The following HDAC4 variants were observed in gnomAD, a reference collection of about 807,000 sequenced individuals.
The protein encoded by HDAC4 is histone deacetylase A.
A neutral mutation model predicts 135.1 loss-of-function variants in HDAC4; 16 were observed. The observed-to-expected ratio is 0.12, with a 90% CI of 0.08 to 0.18. HDAC4 has a LOEUF of 0.18. Ranked by LOEUF, HDAC4 falls within the 10% of genes least tolerant of loss-of-function variation. The pLI, the probability that HDAC4 is intolerant of heterozygous loss-of-function variation, is 1.00. For missense variants in HDAC4, 1,143 were observed against 1,511.8 expected, an observed-to-expected ratio of 0.76 and a Z score of 4.05; for synonymous variants, 685 against 653.4, an observed-to-expected ratio of 1.05 and a Z score of -0.74.
intron 2 of HDAC4, chr2:239,298,600 A>T: frequency 9.9e-7 from 1 of 1,009,304 alleles, no homozygotes; most frequent in Non-Finnish European, 1.2e-6. Context: ...TGCACAGCAC[A>T]CACAGGATCA....
chr2:239,240,867 G>A lies in HDAC4; in HGVS notation c.23-4203C>T, dbSNP rs2048138555. Reference sequence around the variant, plus strand: ...GTTTGAGACTCGGAGTCCGCCCATGGGAGGAACAGGACTAAGACAGACAGT... The same window carrying A: ...GTTTGAGACTCGGAGTCCGCCCATGAGAGGAACAGGACTAAGACAGACAGT... On this transcript the variant is annotated intron_variant, in intron 2 of 26. Transcript: ENST00000543185. The surrounding 1 kb of genome is among the most constrained non-coding windows in gnomAD (Gnocchi z 4.5). Among the ~76,000 whole-genome samples the A allele has an allele frequency of 1.3e-5, 2 of 152,180 alleles. No individual in the cohort carries two copies. The highest frequency in any genetic ancestry group is 2.9e-5 in the Non-Finnish European group (2 of 68,030).
At chr2:239,152,252 C>T (rs768327964) in intron 7 of HDAC4, among the ~76,000 whole-genome samples, 4 of 152,194 alleles carry the variant, frequency 2.6e-5, no homozygotes, top group Non-Finnish European at 4.4e-5. Context: ...CATCTGACAC[C>T]CACACAGTGC....
At chr2:239,119,415 G>C (rs2039429575) in intron 12 of HDAC4, among the ~76,000 whole-genome samples, 1 of 152,168 alleles carries the variant, frequency 6.6e-6, no homozygotes. Context: ...ACAGGCTAAG[G>C]ATGAGGAGAC....
intron 7 of HDAC4, among the ~76,000 whole-genome samples, chr2:239,147,215 A>G (rs1041937564): frequency 6.6e-6 from 1 of 152,180 alleles, no homozygotes; most frequent in African/African-American, 2.4e-5. Flanking sequence ...GGGAGAACAG[A>G]GAAGCCCTAG....
At chr2:239,353,048 G>A (rs1170326294) in intron 1 of HDAC4, 130 bp from the exon 2 acceptor site, 2 of 326,788 alleles carry the variant, frequency 6.1e-6, no homozygotes, top group Non-Finnish European at 1.2e-5. Context: ...CTATCGCCCA[G>A]GCTGGAGTGT....
At chr2:239,351,614 T>G (rs537825463) in intron 2 of HDAC4, 154 of 154,504 alleles carry the variant, frequency 1.0e-3, no homozygotes, top group African/African-American at 2.9e-3. Context: ...AATAAAACTT[T>G]CATATCTAAA....
At chr2:239,282,588 T>G (rs923545514) in intron 2 of HDAC4, among the ~76,000 whole-genome samples, 2 of 142,500 alleles carry the variant, frequency 1.4e-5, no homozygotes, top group African/African-American at 5.3e-5. Flanking sequence ...CACTCTACAA[T>G]GTACACACCA....
At chr2:239,053,639 C>T (rs774865647) in intron 25 of HDAC4, 38 bp from the exon 26 acceptor site, 7 of 1,603,240 alleles carry the variant, frequency 4.4e-6, no homozygotes, top group South Asian at 1.1e-5. Flanking sequence ...TCAGTGACTA[C>T]AACTTAGCAG....
chr2:239,058,029 C>T (rs968720577), intron 24 of HDAC4, among the ~76,000 whole-genome samples: 5 of 152,182 alleles, frequency 3.3e-5, no homozygotes, highest in Non-Finnish European at 7.3e-5. Context: ...AAACCATTCA[C>T]GGCCCTGGTT....
rs1229200751 is a variant in HDAC4 at position 239,102,792 on chromosome 2, G to C, written c.2217C>G (p.Asp739Glu). The stretch of plus-strand genomic sequence containing the variant: ...CTGAAATACCTAGAAGTTTCTTACT[G>C]TCCAGTTTCTGCCGGTTGAGGGGGT... ...GTNPLNRQKL[D>E]SKKLLGSLAS... The change falls in exon 16 of 27, where the codon GAC becomes GAG. Residue 739 changes from aspartate to glutamate, a missense_variant. Physicochemically the swap from Asp to Glu is conservative, Grantham distance 45 (BLOSUM62 2). Transcript: ENST00000543185. 1 of 1,613,918 alleles carries C rather than the reference G, an allele frequency of 6.2e-7. No individual in the cohort carries two copies. Among genetic ancestry groups the C allele is most frequent in the Non-Finnish European group, 8.5e-7 (1 of 1,180,010 alleles).
At position 239,185,528 on chromosome 2, in the gene HDAC4, G is replaced by T. The variant is rs796687273; in HGVS notation, c.339+4305C>A. Among the ~76,000 whole-genome samples the T allele has an allele frequency of 4.6e-5, 7 of 152,058 alleles. No individual in the cohort carries two copies. The South Asian group carries it at 8.3e-4, about 18-fold the overall frequency. On this transcript the variant is annotated intron_variant, in intron 4 of 26. Transcript: ENST00000543185. ...TAGGGAGAGGTGCACAGTGTGGGGGGTGCCCTGTGCCTCCTGGGGAGAGAT... is the reference window on the plus strand; with the variant it reads ...TAGGGAGAGGTGCACAGTGTGGGGGTTGCCCTGTGCCTCCTGGGGAGAGAT...
At chr2:239,160,824 G>A (rs557851871) in intron 6 of HDAC4, among the ~76,000 whole-genome samples, 2 of 152,332 alleles carry the variant, frequency 1.3e-5, no homozygotes, top group East Asian at 1.9e-4. Context: ...GGGCAAATAC[G>A]GAGAAGCATT....
At chr2:239,087,437 A>G in intron 19 of HDAC4, 122 bp downstream of exon 19, 2 of 955,162 alleles carry the variant, frequency 2.1e-6, no homozygotes, top group Non-Finnish European at 3.2e-6. Context: ...CATGCGGCAC[A>G]TCCTGGGTGG....
rs2031034596 is a variant in HDAC4, at chr2:239,052,615, A to AAAT, written c.*479_*481dup. 5.9e-6 allele frequency: 1 copy of AAAT among 169,896 alleles called. No homozygotes were observed. The highest frequency in any genetic ancestry group is 5.5e-5 in the Admixed American group (1 of 18,172). 10.5% of individuals were successfully genotyped at this position (169,896 alleles called of 1,614,324 possible). A position where few individuals can be genotyped will look rare whatever the true frequency, so the allele number is the denominator to read the frequency against. On this transcript the variant is annotated 3_prime_UTR_variant, in exon 27 of 27. Transcript: ENST00000543185. ...CGTAGAAAACGTCCTCTTTAAAAAAAAATAAGCTACAAGATGAGTCGAGTG... is the reference window on the plus strand; with the variant it reads ...CGTAGAAAACGTCCTCTTTAAAAAAAAATAATAAGCTACAAGATGAGTCGAGTG...
At chr2:239,100,449 A>G (rs2037508638) in intron 16 of HDAC4, among the ~76,000 whole-genome samples, 1 of 152,072 alleles carries the variant, frequency 6.6e-6, no homozygotes, top group Admixed American at 6.6e-5. Context: ...GAACTTGTCC[A>G]CGTTACGTGG....
intron 22 of HDAC4, among the ~76,000 whole-genome samples, chr2:239,072,762 C>A (rs1000642817): frequency 2.6e-5 from 4 of 152,202 alleles, no homozygotes; most frequent in African/African-American, 9.7e-5. Context: ...CAACTTTGAC[C>A]AGAAGAAACA....
At chr2:239,398,213 T>C (rs763519076) in intron 1 of HDAC4, among the ~76,000 whole-genome samples, 33 of 152,238 alleles carry the variant, frequency 2.2e-4, no homozygotes, top group Non-Finnish European at 2.9e-4. Context: ...ATATTACTCA[T>C]GGCAGCTTCT....
intron 2 of HDAC4, among the ~76,000 whole-genome samples, chr2:239,267,829 C>A (rs763748767): frequency 1.1e-4 from 16 of 152,270 alleles, no homozygotes; most frequent in Non-Finnish European, 1.9e-4. Context: ...TGGTTAGTTT[C>A]CACCCAAAGC....
rs1474822691 is a variant in HDAC4, at chr2:239,285,908, G to C, written c.23-49244C>G. Among the ~76,000 whole-genome samples, 1 of 152,114 alleles carries C rather than the reference G, an allele frequency of 6.6e-6. No individual in the cohort carries two copies. Among genetic ancestry groups the C allele is most frequent in the African/African-American group, 2.4e-5 (1 of 41,416 alleles). On this transcript the variant is annotated intron_variant, in intron 2 of 26. Coordinates refer to ENST00000543185, the MANE Select transcript of HDAC4 (RefSeq NM_001378414.1). This position sits in a 1 kb window ranked among gnomAD's most constrained non-coding sequence, Gnocchi z 4.5. ...AATGCACGTGGCATGCCTATCAGAA[G>C]AACGGCCTCCTCACTCCCATCCCTC... is the stretch of plus-strand genomic sequence containing the variant.
Sources: allele counts gnomAD v4.1 joint callset (sites outside exome capture counted in the v4.1 genomes callset), GRCh38; gene constraint gnomAD v4.1.1; non-coding constraint Gnocchi (gnomAD v3.1); transcripts MANE v1.5; gene names NCBI Gene and HGNC (gene_info 2026-07-23, HGNC 2026-07-21).